The following KCNAB2 variants were observed in gnomAD, a reference collection of about 807,000 sequenced individuals.
KCNAB2 encodes the protein voltage-gated potassium channel subunit beta-2.
A neutral mutation model predicts 63.6 loss-of-function variants in KCNAB2; 29 were observed. The observed-to-expected ratio is 0.46, with a 90% CI of 0.34 to 0.62. KCNAB2 has a LOEUF of 0.62. Among genes scored for constraint, KCNAB2 ranks in the 20% least tolerant of loss-of-function variants. The pLI is 0.01. For missense variants in KCNAB2, 359 were observed against 563.9 expected (o/e 0.64, Z 3.68); for synonymous variants, 222 against 224.2 (o/e 0.99, Z 0.09).
At chr1:6,036,875 A>G (rs1660085454) in intron 1 of KCNAB2, among the ~76,000 whole-genome samples, 1 of 152,146 alleles carries the variant, frequency 6.6e-6, no homozygotes, top group South Asian at 2.1e-4. Flanking sequence ...AGGTGCCCAT[A>G]GACTCTTTCT....
intron 1 of KCNAB2, among the ~76,000 whole-genome samples, chr1:6,013,614 C>T (rs1658318462): frequency 6.6e-6 from 1 of 152,134 alleles, no homozygotes; most frequent in Admixed American, 6.5e-5. Flanking sequence ...AAACTGACCA[C>T]TCACCTCTGG....
At position 6,098,527 on chromosome 1, in the gene KCNAB2, A is replaced by T; in HGVS notation, c.1201A>T (p.Ser401Cys). 2 of 1,614,038 alleles carry T rather than the reference A, an allele frequency of 1.2e-6. No individual in the cohort carries two copies. The highest frequency in any genetic ancestry group is 1.7e-6 in the Non-Finnish European group (2 of 1,180,008). The change falls in exon 16 of 16, where the codon AGT becomes TGT. Residue 401 changes from serine (S) to cysteine (C), a missense_variant. Ser to Cys is a moderately radical substitution (Grantham distance 112). This residue lies in a region of KCNAB2 where 271 missense variants were observed against 476.1 expected (regional missense o/e 0.57). Transcript: ENST00000378083. The stretch of plus-strand genomic sequence containing the variant: ...ATCTTCCATTATCCACGAGATTGAT[A>T]GTATTTTGGGCAATAAACCCTACAG... Reference protein sequence around the residue: ...LSSSIIHEIDSILGNKPYSKK... With the variant: ...LSSSIIHEIDCILGNKPYSKK...
chr1:6,090,267 A>C, intron 8 of KCNAB2, 122 bp from the exon 9 acceptor site: 1 of 631,560 alleles, frequency 1.6e-6, no homozygotes, highest in Non-Finnish European at 2.7e-6. Flanking sequence ...AGCTTCTGGA[A>C]GCTTCCAGAT....
intron 10 of KCNAB2, among the ~76,000 whole-genome samples, chr1:6,091,518 G>A (rs1033220100): frequency 3.5e-5 from 5 of 141,438 alleles, no homozygotes; most frequent in Non-Finnish European, 6.2e-5. Flanking sequence ...CCATCCCCTC[G>A]TTCCTCCTTC....
At position 6,045,889 on chromosome 1, in the gene KCNAB2, G is replaced by T. The variant is rs976758911; in HGVS notation, c.-321G>T. Reference sequence around the variant, plus strand: ...TGCACCCCAACCCCACGCACCGGGAGTCAGCCTTGCCAGGTTGCAGCACGG... The same window carrying T: ...TGCACCCCAACCCCACGCACCGGGATTCAGCCTTGCCAGGTTGCAGCACGG... On this transcript the variant is annotated 5_prime_UTR_variant, in exon 1 of 16. Coordinates refer to ENST00000378083, the MANE Select transcript of KCNAB2 (RefSeq NM_001199862.2). The surrounding 1 kb of genome is among the most constrained non-coding windows in gnomAD (Gnocchi z 4.8). The T allele has an allele frequency of 2.0e-6, 2 of 985,360 alleles. No homozygotes were observed. Among genetic ancestry groups the T allele is most frequent in the African/African-American group, 3.5e-5 (2 of 57,252 alleles). The allele number at this position is 985,360 out of a possible 1,614,324, so 61.0% of individuals were successfully genotyped here.
chr1:6,086,143 C>A lies in KCNAB2; in HGVS notation c.425+895C>A. 1.0e-6 allele frequency: 1 copy of A among 985,298 alleles called. No individual in the cohort carries two copies. Among genetic ancestry groups the A allele is most frequent in the Non-Finnish European group, 1.2e-6 (1 of 829,894 alleles). The allele number at this position is 985,298 out of a possible 1,614,324, so 61.0% of individuals were successfully genotyped here. Reference sequence around the variant, plus strand: ...CCGGGGCCCTGTTCCTTAATAAATGCGTCTTTATTTTCAGAAACATCAGAA... The same window carrying A: ...CCGGGGCCCTGTTCCTTAATAAATGAGTCTTTATTTTCAGAAACATCAGAA... On this transcript the variant is annotated intron_variant, in intron 6 of 15. Transcript: ENST00000378083. This position sits in a 1 kb window ranked among gnomAD's most constrained non-coding sequence, Gnocchi z 4.2.
At chr1:6,097,879 G>A (rs752847636) in intron 15 of KCNAB2, 11 of 201,156 alleles carry the variant, frequency 5.5e-5, no homozygotes, top group Non-Finnish European at 1.1e-4. Flanking sequence ...TGTGGGCAGA[G>A]GAGGGCGAGC....
chr1:6,095,230 C>A, intron 11 of KCNAB2, 93 bp from the exon 12 acceptor site: 1 of 1,370,822 alleles, frequency 7.3e-7, no homozygotes, highest in East Asian at 2.5e-5. Flanking sequence ...CAGCCTGCTC[C>A]GGGGACACCT....
At chr1:6,009,321 G>A (rs111680217) in intron 1 of KCNAB2, among the ~76,000 whole-genome samples, 67 of 152,356 alleles carry the variant, frequency 4.4e-4, no homozygotes, top group African/African-American at 1.5e-3. Context: ...CCAGCAGATC[G>A]CTGGGTACAT....
At position 6,077,487 on chromosome 1, in the gene KCNAB2, T is replaced by C. The variant is rs1348703858; in HGVS notation, c.300+3717T>C. 2.0e-5 allele frequency among the ~76,000 whole-genome samples: 3 copies of C among 152,296 alleles called. No individual in the cohort carries two copies. The East Asian group carries it at 5.8e-4, about 29-fold the overall frequency. On this transcript the variant is annotated intron_variant, in intron 4 of 15. Transcript: ENST00000378083. The stretch of plus-strand genomic sequence containing the variant: ...CTGGAATTGTATGGTGGCTTCGTTT[T>C]TGCTGAGGGACAGGTGAGGTTAGGG...
At chr1:6,080,165 T>A (rs1664070586) in intron 4 of KCNAB2, among the ~76,000 whole-genome samples, 1 of 152,160 alleles carries the variant, frequency 6.6e-6, no homozygotes, top group Non-Finnish European at 1.5e-5. Flanking sequence ...CTTAGCCCCT[T>A]CGGGGCCCAG....
At chr1:5,996,380 G>A (rs1001367071) in intron 1 of KCNAB2, among the ~76,000 whole-genome samples, 1 of 152,126 alleles carries the variant, frequency 6.6e-6, no homozygotes, top group African/African-American at 2.4e-5. Flanking sequence ...CATGGGATGA[G>A]CCCTGGGCTC....
chr1:6,066,991 C>G (rs1662811244), intron 2 of KCNAB2, among the ~76,000 whole-genome samples: 2 of 152,236 alleles, frequency 1.3e-5, no homozygotes, highest in African/African-American at 4.8e-5. Context: ...CAGGGCCTCC[C>G]TCCTCTTCCC....
chr1:6,097,712 A>G (rs1477235238), intron 15 of KCNAB2: 1 of 500,154 alleles, frequency 2.0e-6, no homozygotes, highest in Non-Finnish European at 3.5e-6. Context: ...GTCTTGAGAG[A>G]TGCGGAGTAA....
At chr1:6,002,360 G>A (rs112084231) in intron 1 of KCNAB2, among the ~76,000 whole-genome samples, 9 of 152,262 alleles carry the variant, frequency 5.9e-5, no homozygotes, top group African/African-American at 2.2e-4. Flanking sequence ...AGAGACAGCC[G>A]TGGCCTCTGG....
At chr1:6,048,767 C>T (rs1015391677) in intron 1 of KCNAB2, among the ~76,000 whole-genome samples, 1 of 152,188 alleles carries the variant, frequency 6.6e-6, no homozygotes, top group African/African-American at 2.4e-5. Context: ...GAGGGTTGGC[C>T]CCCATTTGCC....
At chr1:6,027,169 T>G (rs1329579190) in intron 1 of KCNAB2, 1 of 152,862 alleles carries the variant, frequency 6.5e-6, no homozygotes, top group Non-Finnish European at 1.5e-5. Context: ...AGGATATGGG[T>G]GCAGGGTGTG....
At chr1:6,048,044 T>G (rs1481736244) in intron 1 of KCNAB2, among the ~76,000 whole-genome samples, 1 of 152,232 alleles carries the variant, frequency 6.6e-6, no homozygotes, top group African/African-American at 2.4e-5. Flanking sequence ...CTCTAAATCC[T>G]GGCCACAAAA....
rs1419434389 is a variant in KCNAB2 at position 6,069,760 on chromosome 1, C to T, written c.219-2995C>T. On this transcript the variant is annotated intron_variant, in intron 2 of 15. Coordinates refer to ENST00000378083, the MANE Select transcript of KCNAB2 (RefSeq NM_001199862.2). The surrounding 1 kb of genome is among the most constrained non-coding windows in gnomAD (Gnocchi z 5.4). ...CGCCCTGTCCCTTCGCATCCCTTCT[C>T]CCGAGGCCTGGCAGCGGATGGCAGA... Among the ~76,000 whole-genome samples, 1 of 152,228 alleles carries T rather than the reference C, an allele frequency of 6.6e-6. No homozygotes were observed. Among genetic ancestry groups the T allele is most frequent in the Non-Finnish European group, 1.5e-5 (1 of 68,050 alleles).
Sources: gnomAD v4.1 joint callset for allele counts (sites outside exome capture counted in the v4.1 genomes callset) on GRCh38, gnomAD v4.1.1 for gene constraint, gnomAD v4.1.1 regional missense constraint, Gnocchi (gnomAD v3.1) non-coding constraint, MANE v1.5 for transcripts, NCBI Gene and HGNC (gene_info 2026-07-23, HGNC 2026-07-21) for gene names.